The following DSG3 variants were observed in gnomAD, a reference collection of about 807,000 sequenced individuals.
DSG3 encodes the protein desmoglein 3.
Under a neutral mutation model 85.9 loss-of-function variants are expected in DSG3, and 63 were observed. The ratio of observed to expected loss-of-function variants is 0.73; its 90% CI spans 0.60 to 0.90. The LOEUF (loss-of-function observed/expected upper bound fraction) is 0.90. Ranked by LOEUF, DSG3 falls within the 40% of genes least tolerant of loss-of-function variation. DSG3 has a pLI of 0.00. For missense variants in DSG3, 1,220 were observed against 1,219.9 expected, an observed-to-expected ratio of 1.00 and a Z score of 0.00; for synonymous variants, 447 against 441.9, an observed-to-expected ratio of 1.01 and a Z score of -0.14.
chr18:31,470,246 ATATGATTAT>A (rs2072847653), intron 12 of DSG3, among the ~76,000 whole-genome samples: 1 of 152,166 alleles, frequency 6.6e-6, no homozygotes, highest in Non-Finnish European at 1.5e-5. Context: ...AAAATTAATT[ATATGATTAT>A]TAATTTTAAA....
chr18:31,457,219 C>T (rs962509352), intron 3 of DSG3, 95 bp downstream of exon 3: 51 of 1,281,676 alleles, frequency 4.0e-5, no homozygotes, highest in Non-Finnish European at 5.2e-5. Flanking sequence ...AAAATGAAGA[C>T]TGGGGAGTCC....
At position 31,461,402 on chromosome 18, in the gene DSG3, A is replaced by G; in HGVS notation, c.989A>G (p.Lys330Arg). 6.2e-7 allele frequency: 1 copy of G among 1,612,780 alleles called. No homozygotes were observed. Among genetic ancestry groups the G allele is most frequent in the African/African-American group, 1.3e-5 (1 of 74,986 alleles). Residue 330 changes from lysine to arginine, a missense_variant, in exon 8 of 16, where the codon AAA (lysine) becomes AGA (arginine). Physicochemically the swap from Lys to Arg is conservative, Grantham distance 26. Coordinates refer to ENST00000257189, the MANE Select transcript of DSG3 (RefSeq NM_001944.3). ...CCTAGAACTAATGAAGGCATCCTGA[A>G]AGTGGTGAAGGTAAGGTCTGACTTC... ...TDPRTNEGIL[K>R]VVKALDYEQL...
intron 3 of DSG3, among the ~76,000 whole-genome samples, chr18:31,457,565 CTTTCTTTCTTTCTTTCTTTCTTCTT>C (rs1568086415): frequency 9.5e-6 from 1 of 105,556 alleles, no homozygotes; most frequent in African/African-American, 5.0e-5. Context: ...TTCTTTCTTT[CTTTCTTTCTTTCTTTCTTTCTTCTT>C]TCTTTCTTTC....
In DSG3 at chr18:31,476,570, G is replaced by T. The variant is rs2072889634; in HGVS notation, c.*310G>T. ...TATTTTTCCCCTGCCAAAGGAAGGT[G>T]TTTATCATTTTAAAATGCAATGTGA... On this transcript the variant is annotated 3_prime_UTR_variant, in exon 16 of 16. Transcript: ENST00000257189. The T allele has an allele frequency of 1.2e-5, 3 of 250,428 alleles. No individual in the cohort carries two copies. In the Admixed American group the frequency reaches 1.5e-4, roughly 12 times the overall value. 15.5% of individuals were successfully genotyped at this position (250,428 alleles called of 1,614,324 possible).
intron 14 of DSG3, 66 bp downstream of exon 14, chr18:31,472,854 T>G (rs1335298693): frequency 2.1e-6 from 3 of 1,406,584 alleles, no homozygotes; most frequent in Non-Finnish European, 3.0e-6. Flanking sequence ...AAATAAGAAG[T>G]GTTCAAACTA....
intron 14 of DSG3, among the ~76,000 whole-genome samples, chr18:31,473,855 T>A (rs932734638): frequency 2.0e-4 from 30 of 152,256 alleles, no homozygotes; most frequent in African/African-American, 7.0e-4. Flanking sequence ...GTCTTTTCTA[T>A]TTCTGGCTGT....
At position 31,457,446 on chromosome 18, in the gene DSG3, G is replaced by A. The variant is rs932021311; in HGVS notation, c.216+322G>A. On this transcript the variant is annotated intron_variant, in intron 3 of 15. Transcript: ENST00000257189. ...ATGTATAAGACAGAAATGGTTGGGA[G>A]CAAAATATGGATTGGTCATGTATTG... is the stretch of plus-strand genomic sequence containing the variant. Among the ~76,000 whole-genome samples the A allele has an allele frequency of 4.6e-5, 7 of 152,170 alleles. No homozygotes were observed. The East Asian group carries it at 5.8e-4, about 13-fold the overall frequency.
At chr18:31,468,262 C>G (rs896735739) in intron 11 of DSG3, among the ~76,000 whole-genome samples, 1 of 152,202 alleles carries the variant, frequency 6.6e-6, no homozygotes, top group Admixed American at 6.5e-5. Flanking sequence ...GGATAAGAAC[C>G]AGGAAGAGCA....
In DSG3 at chr18:31,477,060, C is replaced by G. The variant is rs2072893996; in HGVS notation, c.*800C>G. 6.6e-6 allele frequency: 1 copy of G among 150,506 alleles called. No individual in the cohort carries two copies. Among genetic ancestry groups the G allele is most frequent in the South Asian group, 2.1e-4 (1 of 4,744 alleles). The allele number at this position is 150,506 out of a possible 1,614,324, so 9.3% of individuals were successfully genotyped here. A position where few individuals can be genotyped will look rare whatever the true frequency, so the allele number is the denominator to read the frequency against. ...GTAGTTGCAGTAGAGTTTCTTCCAT[C>G]TTCTTGGTGCTGGGAAGCCATATAT... On this transcript the variant is annotated 3_prime_UTR_variant, in exon 16 of 16. Transcript: ENST00000257189.
At chr18:31,453,989 TTAAC>T (rs2072726611) in intron 1 of DSG3, among the ~76,000 whole-genome samples, 1 of 151,860 alleles carries the variant, frequency 6.6e-6, no homozygotes, top group Non-Finnish European at 1.5e-5. Flanking sequence ...TATTAGCAAA[TTAAC>T]TAAAACAAGT....
At chr18:31,454,384 T>C (rs2072729213) in intron 1 of DSG3, among the ~76,000 whole-genome samples, 2 of 152,328 alleles carry the variant, frequency 1.3e-5, no homozygotes, top group South Asian at 4.1e-4. Context: ...AGAGCAACAA[T>C]GTTGGAAAAT....
chr18:31,463,256 C>T (rs1023311806), intron 8 of DSG3, among the ~76,000 whole-genome samples: 3 of 152,194 alleles, frequency 2.0e-5, no homozygotes. Flanking sequence ...TCTTTTGCCT[C>T]TTACCCCTTG....
At position 31,469,133 on chromosome 18, in the gene DSG3, G is replaced by A. The variant is rs202080143; in HGVS notation, c.1681G>A (p.Val561Ile). 5.0e-6 allele frequency: 8 copies of A among 1,614,092 alleles called. No individual in the cohort carries two copies. In the Middle Eastern group the frequency reaches 6.6e-4, roughly 133 times the overall value. The change falls in exon 12 of 16, where the codon GTA becomes ATA. Residue 561 changes from valine (V) to isoleucine (I), a missense_variant. By Grantham distance (29) the Val-to-Ile change is conservative. Transcript: ENST00000257189. ...LRAQEQIPPG[V>I]YHISLVLTDS... is the part of the protein sequence containing the mutation. ...AGCCCAGGAACAGATACCTCCTGGAGTATACCACATCTCCCTGGTACTTAC... is the reference window on the plus strand; with the variant it reads ...AGCCCAGGAACAGATACCTCCTGGAATATACCACATCTCCCTGGTACTTAC...
chr18:31,466,289 C>T (rs1001657407), intron 10 of DSG3, among the ~76,000 whole-genome samples: 2 of 152,158 alleles, frequency 1.3e-5, no homozygotes, highest in East Asian at 1.9e-4. Flanking sequence ...GTCTTGGGTT[C>T]GAGCATATTA....
chr18:31,469,341 T>A lies in DSG3; in HGVS notation c.1889T>A (p.Leu630Gln), dbSNP rs1227822370. ...AIGLLLLGLL[L>Q]LLLAPLLLLT... The stretch of plus-strand genomic sequence containing the variant: ...GGCCTGCTGCTCCTTGGTCTCCTGC[T>A]GCTGCTGTGTGAGTAGCCAATGTTT... The change falls in exon 12 of 16, where the codon CTG (leucine) becomes CAG (glutamine). Residue 630 changes from leucine to glutamine, a missense_variant. Physicochemically the swap from Leu to Gln is moderately radical, Grantham distance 113. Transcript: ENST00000257189. 1.2e-6 allele frequency: 2 copies of A among 1,612,622 alleles called. No homozygotes were observed. The highest frequency in any genetic ancestry group is 1.7e-6 in the Non-Finnish European group (2 of 1,179,992).
In DSG3 at chr18:31,474,143, C is replaced by G. The variant is rs1178938552; in HGVS notation, c.2124C>G (p.Ala708=). 1 of 1,613,274 alleles carries G rather than the reference C, an allele frequency of 6.2e-7. No individual in the cohort carries two copies. The highest frequency in any genetic ancestry group is 1.3e-5 in the African/African-American group (1 of 74,910). ...TAGAAGTTTGTACAAATACGTATGC[C>G]AGAGGCACAGCGGTGGAAGGCACTT... ...ESSEVCTNTY[A]RGTAVEGTSG... The change falls in exon 15 of 16, where the codon GCC becomes GCG. Residue 708 remains alanine (A), a synonymous_variant. Coordinates refer to ENST00000257189, the MANE Select transcript of DSG3 (RefSeq NM_001944.3).
chr18:31,475,990 G>T lies in DSG3; in HGVS notation c.2730G>T (p.Leu910Phe), dbSNP rs759088792. Reference sequence around the variant, plus strand: ...CAGGAAGTCAAGGAGCTTCTGCTTTGTCCACCTCTGGGTCTGTCCAGCCAG... The same window carrying T: ...CAGGAAGTCAAGGAGCTTCTGCTTTTTCCACCTCTGGGTCTGTCCAGCCAG... ...TLSGSQGASA[L>F]STSGSVQPAV... is the part of the protein sequence containing the mutation. Residue 910 changes from leucine to phenylalanine, a missense_variant, in exon 16 of 16, where the codon TTG becomes TTT. By Grantham distance (22) the Leu-to-Phe change is conservative. Coordinates refer to ENST00000257189, the MANE Select transcript of DSG3 (RefSeq NM_001944.3). 2 of 1,614,176 alleles carry T rather than the reference G, an allele frequency of 1.2e-6. No homozygotes were observed. The highest frequency in any genetic ancestry group is 1.7e-6 in the Non-Finnish European group (2 of 1,180,042).
chr18:31,460,673 C>T (rs769761933), intron 6 of DSG3, among the ~76,000 whole-genome samples, 160 bp from the exon 7 acceptor site: 2 of 152,168 alleles, frequency 1.3e-5, no homozygotes, highest in Non-Finnish European at 2.9e-5. Flanking sequence ...AGAAAACCTG[C>T]CCTAGCCCCT....
At position 31,447,766 on chromosome 18, in the gene DSG3, C is replaced by A; in HGVS notation, c.-112C>A. 1.2e-6 allele frequency: 1 copy of A among 841,020 alleles called. No individual in the cohort carries two copies. Among genetic ancestry groups the A allele is most frequent in the East Asian group, 2.9e-5 (1 of 34,004 alleles). 52.1% of individuals were successfully genotyped at this position (841,020 alleles called of 1,614,324 possible). On this transcript the variant is annotated 5_prime_UTR_variant, in exon 1 of 16. Transcript: ENST00000257189. ...ATAACAGACCATCTGTAGACTCCTTCGGAAAGCAGCAGAGACGCTGCAGAG... is the reference window on the plus strand; with the variant it reads ...ATAACAGACCATCTGTAGACTCCTTAGGAAAGCAGCAGAGACGCTGCAGAG...
Sources: allele counts gnomAD v4.1 joint callset (sites outside exome capture counted in the v4.1 genomes callset), GRCh38; gene constraint gnomAD v4.1.1; transcripts MANE v1.5; gene names NCBI Gene and HGNC (gene_info 2026-07-23, HGNC 2026-07-21).